Variants in FTO observed in about 807,000 individuals in gnomAD.
FTO encodes FTO alpha-ketoglutarate dependent dioxygenase.
A neutral mutation model predicts 63.9 loss-of-function variants in FTO; 47 were observed. The observed-to-expected ratio is 0.74, with a 90% CI of 0.58 to 0.94. FTO has a LOEUF of 0.94. FTO is among the 40% of genes least tolerant of loss of function. FTO has a pLI of 0.00. For missense variants in FTO, 562 were observed against 618.1 expected (o/e 0.91, Z 0.96); for synonymous variants, 207 against 224.4 (o/e 0.92, Z 0.69).
In FTO at chr16:54,073,524, G is replaced by A. The variant is rs948593359; in HGVS notation, c.1365-38238G>A. ...TTTAAAATAGTCCCCGAGAAAGGAA[G>A]GCAGAAAGTCCCACCTCCCCCATGT... On this transcript the variant is annotated intron_variant, in intron 8 of 8. Transcript: ENST00000471389. Among the ~76,000 whole-genome samples the A allele has an allele frequency of 2.0e-5, 3 of 151,862 alleles. No individual in the cohort carries two copies. In the South Asian group the frequency reaches 6.3e-4, roughly 32 times the overall value.
At chr16:54,004,132 T>C (rs562591840) in intron 8 of FTO, among the ~76,000 whole-genome samples, 4 of 152,350 alleles carry the variant, frequency 2.6e-5, no homozygotes, top group African/African-American at 9.6e-5. Context: ...ATAATTATTA[T>C]TGCATTACAA....
At chr16:53,713,305 TTTG>T (rs1346190882) in intron 1 of FTO, among the ~76,000 whole-genome samples, 1 of 152,148 alleles carries the variant, frequency 6.6e-6, no homozygotes, top group African/African-American at 2.4e-5. Context: ...TTTAGAGTAT[TTTG>T]TTGTTGTTAG....
intron 8 of FTO, among the ~76,000 whole-genome samples, chr16:54,016,340 G>T (rs1861552): frequency 0.53 from 79,600 of 150,652 alleles, 23,446 homozygotes; most frequent in African/African-American, 0.79. Context: ...CTCTTGGACC[G>T]AGCAACAGTC....
At chr16:53,980,127 T>G (rs2083510129) in intron 8 of FTO, among the ~76,000 whole-genome samples, 1 of 152,170 alleles carries the variant, frequency 6.6e-6, no homozygotes, top group Non-Finnish European at 1.5e-5. Context: ...CACCCTTAAG[T>G]CAAGAAGAAC....
intron 8 of FTO, among the ~76,000 whole-genome samples, chr16:53,997,831 G>C (rs2083978558): frequency 6.6e-6 from 1 of 151,646 alleles, no homozygotes; most frequent in Admixed American, 6.6e-5. Flanking sequence ...AGAAAGGAAG[G>C]CAATGAGTAT....
chr16:53,983,126 G>A (rs1199077048), intron 8 of FTO, among the ~76,000 whole-genome samples: 4 of 152,064 alleles, frequency 2.6e-5, no homozygotes, highest in Admixed American at 1.3e-4. Context: ...TTCTCTCTGC[G>A]CTTTTTGTGG....
intron 4 of FTO, among the ~76,000 whole-genome samples, chr16:53,872,749 G>T (rs2080535739): frequency 6.6e-6 from 1 of 152,146 alleles, no homozygotes; most frequent in Non-Finnish European, 1.5e-5. Context: ...TACATAAGGG[G>T]CCTGGTGGCA....
intron 7 of FTO, among the ~76,000 whole-genome samples, chr16:53,898,343 C>T (rs1303580079): frequency 1.3e-5 from 2 of 152,182 alleles, no homozygotes; most frequent in African/African-American, 2.4e-5. Context: ...CTCTCTCCCT[C>T]ATTTCATTCA....
At chr16:54,076,484 G>C (rs927794879) in intron 8 of FTO, among the ~76,000 whole-genome samples, 1 of 152,158 alleles carries the variant, frequency 6.6e-6, no homozygotes, top group Non-Finnish European at 1.5e-5. Flanking sequence ...TTTGAATGCT[G>C]TTCTTTAAAC....
At chr16:53,809,624 G>A (rs1226418018) in intron 1 of FTO, among the ~76,000 whole-genome samples, 1 of 152,138 alleles carries the variant, frequency 6.6e-6, no homozygotes, top group Non-Finnish European at 1.5e-5. Context: ...CTAAATTTAT[G>A]CTTCATACCG....
intron 8 of FTO, among the ~76,000 whole-genome samples, chr16:53,936,335 G>A (rs548044462): frequency 6.6e-6 from 1 of 152,284 alleles, no homozygotes; most frequent in South Asian, 2.1e-4. Context: ...AAGGAAAAGT[G>A]TCCTCAGAGT....
intron 1 of FTO, among the ~76,000 whole-genome samples, chr16:53,793,363 T>C (rs556685494): frequency 6.6e-6 from 1 of 152,284 alleles, no homozygotes; most frequent in East Asian, 1.9e-4. Context: ...AAATTGACGA[T>C]TATAGGTAAG....
At chr16:53,793,822 G>A (rs2077989738) in intron 1 of FTO, among the ~76,000 whole-genome samples, 1 of 152,218 alleles carries the variant, frequency 6.6e-6, no homozygotes, top group East Asian at 1.9e-4. Flanking sequence ...GATCAAATGG[G>A]ACAAAACCCA....
chr16:54,089,966 G>T (rs2086343566), intron 8 of FTO, among the ~76,000 whole-genome samples: 1 of 151,984 alleles, frequency 6.6e-6, no homozygotes, highest in African/African-American at 2.4e-5. Context: ...TTCAAAAACA[G>T]TTTGATGGGT....
intron 1 of FTO, among the ~76,000 whole-genome samples, chr16:53,743,209 T>C (rs1302740750): frequency 6.6e-6 from 1 of 152,144 alleles, no homozygotes; most frequent in Non-Finnish European, 1.5e-5. Flanking sequence ...GATTATAAAG[T>C]GATTTAAGTT....
chr16:53,896,114 G>A lies in FTO; in HGVS notation c.1239+7163G>A, dbSNP rs543183016. Among the ~76,000 whole-genome samples the A allele has an allele frequency of 2.0e-4, 30 of 152,304 alleles. No homozygotes were observed. The South Asian group carries it at 4.3e-3, about 22-fold the overall frequency. On this transcript the variant is annotated intron_variant, in intron 7 of 8. Transcript: ENST00000471389. ...CTGAAATTCAAATTGATGTAAAGGT[G>A]TGAAGATCCTGCTATTTTCCCTGGG...
intron 8 of FTO, among the ~76,000 whole-genome samples, chr16:54,065,809 C>A (rs1308512517): frequency 6.6e-6 from 1 of 152,186 alleles, no homozygotes; most frequent in South Asian, 2.1e-4. Context: ...CTGTGCCCAT[C>A]AACACTTGGT....
At chr16:53,963,067 G>A (rs1207154829) in intron 8 of FTO, among the ~76,000 whole-genome samples, 1 of 152,108 alleles carries the variant, frequency 6.6e-6, no homozygotes, top group African/African-American at 2.4e-5. Flanking sequence ...ACAAGTTTTA[G>A]GTATTTTAAA....
At chr16:53,860,467 T>C (rs2080138345) in intron 4 of FTO, among the ~76,000 whole-genome samples, 1 of 152,196 alleles carries the variant, frequency 6.6e-6, no homozygotes, top group Non-Finnish European at 1.5e-5. Context: ...ATAAAGAAGT[T>C]TCATTGGTTC....
Sources: gnomAD v4.1 joint callset for allele counts (sites outside exome capture counted in the v4.1 genomes callset) on GRCh38, gnomAD v4.1.1 for gene constraint, MANE v1.5 for transcripts, NCBI Gene and HGNC (gene_info 2026-07-23, HGNC 2026-07-21) for gene names.